Variants in ACER3 observed in about 807,000 individuals in gnomAD.
ACER3 encodes alkaline ceramidase 3.
In ACER3, 16 loss-of-function variants were observed where a neutral mutation model predicts 48.9. The ratio of observed to expected loss-of-function variants is 0.33; its 90% CI spans 0.22 to 0.50. The LOEUF (loss-of-function observed/expected upper bound fraction) is 0.50, where lower values mean the gene tolerates loss of function less well. Among genes scored for constraint, ACER3 ranks in the 20% least tolerant of loss-of-function variants. ACER3 has a pLI of 0.98. For missense variants in ACER3, 227 were observed against 326.0 expected, an observed-to-expected ratio of 0.70 and a Z score of 2.34; for synonymous variants, 109 against 107.8, an observed-to-expected ratio of 1.01 and a Z score of -0.07.
chr11:76,908,329 A>G (rs1946286369), intron 1 of ACER3, among the ~76,000 whole-genome samples: 2 of 152,200 alleles, frequency 1.3e-5, no homozygotes, highest in Admixed American at 6.5e-5. Context: ...TATAATAATA[A>G]TATGATTGTA....
At position 77,020,545 on chromosome 11, in the gene ACER3, C is replaced by T. The variant is rs140432815; in HGVS notation, c.*218C>T. The stretch of plus-strand genomic sequence containing the variant: ...CTTATTTGTCCCCCTCCTCCTTTCA[C>T]GCTCCAGTTTATAAAGAAACAGAGA... On this transcript the variant is annotated 3_prime_UTR_variant, in exon 11 of 11. Coordinates refer to ENST00000532485, the MANE Select transcript of ACER3 (RefSeq NM_018367.7). 2.3e-5 allele frequency: 12 copies of T among 519,344 alleles called. No individual in the cohort carries two copies. Among genetic ancestry groups the T allele is most frequent in the East Asian group, 2.0e-4 (6 of 30,272 alleles). 32.2% of individuals were successfully genotyped at this position (519,344 alleles called of 1,614,324 possible).
At chr11:76,928,772 G>C (rs1442667407) in intron 2 of ACER3, among the ~76,000 whole-genome samples, 1 of 152,156 alleles carries the variant, frequency 6.6e-6, no homozygotes, top group Non-Finnish European at 1.5e-5. Flanking sequence ...GATGGTTGTA[G>C]ATGTGTGGTA....
chr11:76,993,806 G>A (rs1229785421), intron 6 of ACER3, among the ~76,000 whole-genome samples: 2 of 152,180 alleles, frequency 1.3e-5, no homozygotes, highest in Non-Finnish European at 2.9e-5. Context: ...TCACAATAGT[G>A]TTTGCGCTCC....
chr11:76,899,487 C>T (rs1025343779), intron 1 of ACER3, among the ~76,000 whole-genome samples: 40 of 152,132 alleles, frequency 2.6e-4, no homozygotes, highest in African/African-American at 9.2e-4. Context: ...ATATGCCTTT[C>T]TTCTCTTTCA....
At chr11:76,943,912 C>G (rs1388081835) in intron 2 of ACER3, among the ~76,000 whole-genome samples, 1 of 70,710 alleles carries the variant, frequency 1.4e-5, no homozygotes, top group African/African-American at 4.3e-5. Flanking sequence ...TGACCTTTGT[C>G]CTTTTTTTTT....
intron 2 of ACER3, among the ~76,000 whole-genome samples, chr11:76,943,046 A>G (rs566078113): frequency 2.2e-4 from 34 of 151,506 alleles, no homozygotes; most frequent in Middle Eastern, 3.4e-3. Flanking sequence ...TCTGATTTTT[A>G]TTTGGATCTT....
intron 7 of ACER3, among the ~76,000 whole-genome samples, chr11:77,003,960 G>T (rs1949083979): frequency 6.6e-6 from 1 of 152,134 alleles, no homozygotes; most frequent in African/African-American, 2.4e-5. Flanking sequence ...TATGGATCAG[G>T]TTATACCAAG....
Position 77,024,367 on chromosome 11 carries a change from G to A in ACER3, c.*4040G>A, listed in dbSNP as rs575655051. The A allele has an allele frequency of 6.6e-6, 1 of 150,452 alleles. No individual in the cohort carries two copies. Among genetic ancestry groups the A allele is most frequent in the South Asian group, 2.1e-4 (1 of 4,686 alleles). The allele number at this position is 150,452 out of a possible 1,614,324, so 9.3% of individuals were successfully genotyped here. ...GCTACATGGGGGAGCTGCTGGTGTT[G>A]TTGAGGTCCTTGGGAGCATTCCACT... On this transcript the variant is annotated 3_prime_UTR_variant, in exon 11 of 11. Coordinates refer to ENST00000532485, the MANE Select transcript of ACER3 (RefSeq NM_018367.7).
chr11:76,912,325 T>C (rs1341753179), intron 1 of ACER3, among the ~76,000 whole-genome samples: 1 of 152,152 alleles, frequency 6.6e-6, no homozygotes, highest in Non-Finnish European at 1.5e-5. Context: ...CCACCCCTGC[T>C]GACACCTTGA....
intron 6 of ACER3, among the ~76,000 whole-genome samples, chr11:76,993,983 T>C (rs532935851): frequency 4.7e-4 from 72 of 152,310 alleles, no homozygotes; most frequent in African/African-American, 1.6e-3. Flanking sequence ...GAAGTGTGAA[T>C]TGGTAACTCT....
chr11:77,009,462 A>G (rs7113647), intron 7 of ACER3, among the ~76,000 whole-genome samples: 114,576 of 152,012 alleles, frequency 0.75, 43,530 homozygotes, highest in African/African-American at 0.8. Context: ...ATCTGGAGGG[A>G]GCATCAAATC....
At chr11:76,928,747 A>G (rs990666529) in intron 2 of ACER3, among the ~76,000 whole-genome samples, 20 of 152,120 alleles carry the variant, frequency 1.3e-4, no homozygotes, top group South Asian at 2.1e-4. Context: ...TTTTTGTCAG[A>G]TTTGTCAAAG....
intron 7 of ACER3, among the ~76,000 whole-genome samples, chr11:77,007,434 A>C (rs1949178358): frequency 1.3e-5 from 2 of 152,148 alleles, no homozygotes; most frequent in Admixed American, 1.3e-4. Context: ...TTGGCAAGCC[A>C]GGGGGAGAAG....
Position 77,020,505 on chromosome 11 carries a change from A to G in ACER3, c.*178A>G. On this transcript the variant is annotated 3_prime_UTR_variant, in exon 11 of 11. Coordinates refer to ENST00000532485, the MANE Select transcript of ACER3 (RefSeq NM_018367.7). ...AAGGAGTAGGGCCTGCTGGGTGTTT[A>G]GCTCATGGCTTTATCTTATTTGTCC... 1.6e-6 allele frequency: 1 copy of G among 615,664 alleles called. No individual in the cohort carries two copies. Among genetic ancestry groups the G allele is most frequent in the Non-Finnish European group, 2.8e-6 (1 of 359,458 alleles). The allele number at this position is 615,664 out of a possible 1,614,324, so 38.1% of individuals were successfully genotyped here. A position where few individuals can be genotyped will look rare whatever the true frequency, so the allele number is the denominator to read the frequency against.
chr11:76,983,771 T>C (rs1391740159), intron 4 of ACER3, among the ~76,000 whole-genome samples: 2 of 151,652 alleles, frequency 1.3e-5, no homozygotes, highest in Non-Finnish European at 2.9e-5. Context: ...ATATCAAATA[T>C]GTGAAGCAGT....
intron 2 of ACER3, among the ~76,000 whole-genome samples, chr11:76,932,287 T>C (rs1947025925): frequency 6.6e-6 from 1 of 152,196 alleles, no homozygotes; most frequent in African/African-American, 2.4e-5. Flanking sequence ...TCTCTTTCTT[T>C]TGTTTTAGCT....
chr11:76,879,428 C>A (rs192759649), intron 1 of ACER3, among the ~76,000 whole-genome samples: 20 of 152,216 alleles, frequency 1.3e-4, no homozygotes, highest in African/African-American at 4.8e-4. Context: ...CATTTTATTT[C>A]TTTTGCTTGT....
intron 1 of ACER3, among the ~76,000 whole-genome samples, chr11:76,890,331 T>G (rs1167284478): frequency 6.6e-6 from 1 of 152,224 alleles, no homozygotes; most frequent in African/African-American, 2.4e-5. Flanking sequence ...CTTTTTGGCT[T>G]TAACGCTGTA....
chr11:76,978,056 G>A (rs374327457), intron 4 of ACER3, among the ~76,000 whole-genome samples: 14 of 152,328 alleles, frequency 9.2e-5, no homozygotes, highest in East Asian at 3.9e-4. Context: ...GAGGGAGGCC[G>A]AGGCGGGGAC....
Sources: gnomAD v4.1 joint callset for allele counts (sites outside exome capture counted in the v4.1 genomes callset) on GRCh38, gnomAD v4.1.1 for gene constraint, MANE v1.5 for transcripts, NCBI Gene and HGNC (gene_info 2026-07-23, HGNC 2026-07-21) for gene names.